GIPC2: variants seen among roughly 807,000 people sequenced by gnomAD.
GIPC2 encodes PDZ domain-containing protein GIPC2.
A neutral mutation model predicts 30.6 loss-of-function variants in GIPC2; 30 were observed. The ratio of observed to expected loss-of-function variants is 0.98; its 90% CI spans 0.73 to 1.33. The LOEUF (loss-of-function observed/expected upper bound fraction) is 1.33. Among genes scored for constraint, GIPC2 ranks in the 40% most tolerant of loss-of-function variants. GIPC2 has a pLI of 0.00. For synonymous variants in GIPC2, 167 were observed against 150.0 expected (o/e 1.11, Z -0.83); for missense variants, 414 against 390.3 (o/e 1.06, Z -0.51).
chr1:78,119,791 C>A (rs1235879018), intron 4 of GIPC2, among the ~76,000 whole-genome samples: 1 of 152,078 alleles, frequency 6.6e-6, no homozygotes, highest in East Asian at 1.9e-4. Context: ...TGTTTCAGAG[C>A]CACCTGTAGG....
chr1:78,067,218 T>C (rs1661534145), intron 1 of GIPC2, among the ~76,000 whole-genome samples: 1 of 151,836 alleles, frequency 6.6e-6, no homozygotes, highest in African/African-American at 2.4e-5. Flanking sequence ...GGGAGGAGGG[T>C]TTCAGGGTAG....
chr1:78,087,426 G>C (rs1661951228), intron 2 of GIPC2, among the ~76,000 whole-genome samples: 1 of 152,054 alleles, frequency 6.6e-6, no homozygotes, highest in Admixed American at 6.5e-5. Context: ...AGAATAGAGA[G>C]CCCAGAAATA....
intron 3 of GIPC2, among the ~76,000 whole-genome samples, chr1:78,098,121 A>G (rs888110158): frequency 4.6e-5 from 7 of 152,184 alleles, no homozygotes; most frequent in African/African-American, 1.7e-4. Flanking sequence ...GTAGCCATGT[A>G]TGATATCTGT....
At chr1:78,096,503 T>C (rs1662139839) in intron 3 of GIPC2, among the ~76,000 whole-genome samples, 2 of 152,154 alleles carry the variant, frequency 1.3e-5, no homozygotes, top group Non-Finnish European at 2.9e-5. Context: ...TTTTTTTTTT[T>C]TTCCCATTGT....
intron 5 of GIPC2, among the ~76,000 whole-genome samples, chr1:78,130,506 T>C (rs1662873842): frequency 6.6e-6 from 1 of 152,212 alleles, no homozygotes; most frequent in Admixed American, 6.5e-5. Context: ...TAAAAATCAT[T>C]CTACATTGAC....
intron 1 of GIPC2, among the ~76,000 whole-genome samples, chr1:78,069,380 G>A (rs1661575335): frequency 6.6e-6 from 1 of 151,816 alleles, no homozygotes; most frequent in Admixed American, 6.6e-5. Flanking sequence ...CAAACTTCCT[G>A]ATGAAACATA....
intron 2 of GIPC2, among the ~76,000 whole-genome samples, chr1:78,083,845 T>C (rs922862055): frequency 6.6e-6 from 1 of 152,240 alleles, no homozygotes; most frequent in African/African-American, 2.4e-5. Flanking sequence ...ATCATTTTAT[T>C]GAGTAGGTTC....
chr1:78,129,814 T>C (rs775895989), intron 5 of GIPC2, among the ~76,000 whole-genome samples: 3 of 152,222 alleles, frequency 2.0e-5, no homozygotes, highest in Non-Finnish European at 4.4e-5. Flanking sequence ...GTGTAAGTTG[T>C]GTATAGAACT....
chr1:78,135,299 C>T (rs1302171355), intron 5 of GIPC2, among the ~76,000 whole-genome samples: 2 of 152,096 alleles, frequency 1.3e-5, no homozygotes, highest in Non-Finnish European at 2.9e-5. Context: ...TCTTGTTCTA[C>T]CCATGGGAAT....
intron 1 of GIPC2, among the ~76,000 whole-genome samples, chr1:78,066,059 T>C (rs375387422): frequency 6.6e-6 from 1 of 152,058 alleles, no homozygotes; most frequent in South Asian, 2.1e-4. Flanking sequence ...CTAATTAAGC[T>C]AAAAAGCTTC....
At chr1:78,082,341 G>A (rs1417299503) in intron 2 of GIPC2, among the ~76,000 whole-genome samples, 1 of 152,198 alleles carries the variant, frequency 6.6e-6, no homozygotes, top group African/African-American at 2.4e-5. Flanking sequence ...ATTTGCTGAT[G>A]CATTGTCACC....
intron 3 of GIPC2, among the ~76,000 whole-genome samples, chr1:78,102,156 T>C (rs2100393328): frequency 6.6e-6 from 1 of 152,340 alleles, no homozygotes; most frequent in East Asian, 1.9e-4. Flanking sequence ...TTATGGTCTT[T>C]ATTTTAGGGT....
At chr1:78,059,956 T>C (rs1661362570) in intron 1 of GIPC2, among the ~76,000 whole-genome samples, 1 of 152,174 alleles carries the variant, frequency 6.6e-6, no homozygotes, top group South Asian at 2.1e-4. Context: ...TAGAATTCTA[T>C]GAATATAATT....
chr1:78,049,344 C>T (rs550384648), intron 1 of GIPC2, among the ~76,000 whole-genome samples: 26 of 152,220 alleles, frequency 1.7e-4, no homozygotes, highest in South Asian at 1.2e-3. Flanking sequence ...TTAGTAGAGA[C>T]GGGGTTTCAC....
At chr1:78,104,246 G>C (rs1392900788) in intron 3 of GIPC2, among the ~76,000 whole-genome samples, 1 of 152,044 alleles carries the variant, frequency 6.6e-6, no homozygotes. Context: ...TCAGAATTGT[G>C]GAGTAAAATT....
chr1:78,063,837 A>G (rs1022020189), intron 1 of GIPC2, among the ~76,000 whole-genome samples: 1 of 149,064 alleles, frequency 6.7e-6, no homozygotes, highest in African/African-American at 2.5e-5. Context: ...GGTTGCAGTG[A>G]GCTGAGATTG....
At chr1:78,109,787 CA>C (rs1011437596) in intron 3 of GIPC2, among the ~76,000 whole-genome samples, 2 of 151,990 alleles carry the variant, frequency 1.3e-5, no homozygotes, top group Non-Finnish European at 2.9e-5. Context: ...AGAACCAACT[CA>C]AATGTCCAAC....
chr1:78,091,562 G>C (rs113679980), intron 2 of GIPC2: 1 of 756,718 alleles, frequency 1.3e-6, no homozygotes, highest in East Asian at 2.5e-5. Context: ...GGATTTCAGC[G>C]GCAACCTCTC....
chr1:78,071,794 G>A (rs1292361813), intron 1 of GIPC2, among the ~76,000 whole-genome samples: 1 of 152,100 alleles, frequency 6.6e-6, no homozygotes, highest in Non-Finnish European at 1.5e-5. Flanking sequence ...GTTAGAAAAA[G>A]CCCGAATTCT....
Sources: gnomAD v4.1 joint callset for allele counts (sites outside exome capture counted in the v4.1 genomes callset) on GRCh38, gnomAD v4.1.1 for gene constraint, MANE v1.5 for transcripts, NCBI Gene and HGNC (gene_info 2026-07-23, HGNC 2026-07-21) for gene names.